PHRF1: variants seen among roughly 807,000 people sequenced by gnomAD.
The protein encoded by PHRF1 is PHD and ring finger domains 1.
In PHRF1, 53 loss-of-function variants were observed where a neutral mutation model predicts 128.9. The ratio of observed to expected loss-of-function variants is 0.41; its 90% CI spans 0.33 to 0.52. The LOEUF (loss-of-function observed/expected upper bound fraction) is 0.52. Ranked by LOEUF, PHRF1 falls within the 20% of genes least tolerant of loss-of-function variation. The pLI is 0.21. For missense variants in PHRF1, 2,503 were observed against 2,284.5 expected (o/e 1.10, Z -1.95); for synonymous variants, 1,178 against 980.6 (o/e 1.20, Z -3.76).
chr11:605,242 A>G lies in PHRF1; in HGVS notation c.1276A>G (p.Ile426Val). 1.2e-6 allele frequency: 2 copies of G among 1,613,388 alleles called. No individual in the cohort carries two copies. Among genetic ancestry groups the G allele is most frequent in the Non-Finnish European group, 1.7e-6 (2 of 1,179,870 alleles). The stretch of plus-strand genomic sequence containing the variant: ...CTCTTTGGGGCTGCTGAGAGCGGAT[A>G]TTGGAGCTGCCTCTCTGTCTCTGTT... ...EPSLGLLRAD[I>V]GAASLSLFGD... is the part of the protein sequence containing the mutation. Residue 426 changes from isoleucine (I) to valine (V), a missense_variant, in exon 11 of 18, where the codon ATT (isoleucine) becomes GTT (valine). Ile to Val is a conservative substitution (Grantham distance 29). Transcript: ENST00000264555.
rs750838764 is a variant in PHRF1 at position 608,735 on chromosome 11, G to A, written c.3279G>A (p.Ser1093=). 9.9e-6 allele frequency: 16 copies of A among 1,611,154 alleles called. No individual in the cohort carries two copies. The highest frequency in any genetic ancestry group is 4.4e-5 in the South Asian group (4 of 90,946). Residue 1093 remains serine, a synonymous_variant, in exon 14 of 18, where the codon TCG becomes TCA. Coordinates refer to ENST00000264555, the MANE Select transcript of PHRF1 (RefSeq NM_001286581.2). ...GCCGGAGGACGTCCCGGTCGCGGTC[G>A]GGGAGCCCTGGCAGCTCTTCCTATG... ...GHSRRTSRSR[S]GSPGSSSYEH... is the part of the protein sequence containing the mutation.
At chr11:583,076 C>G (rs986067483) in intron 3 of PHRF1, among the ~76,000 whole-genome samples, 1 of 144,418 alleles carries the variant, frequency 6.9e-6, no homozygotes, top group African/African-American at 2.6e-5. Flanking sequence ...CGCGGTGGCT[C>G]ACGCCTGTAA....
chr11:608,971 C>T lies in PHRF1; in HGVS notation c.3515C>T (p.Ala1172Val). The change falls in exon 14 of 18, where the codon GCA becomes GTA. Residue 1172 changes from alanine (A) to valine (V), a missense_variant. By Grantham distance (64) the Ala-to-Val change is moderately conservative (BLOSUM62 0). Coordinates refer to ENST00000264555, the MANE Select transcript of PHRF1 (RefSeq NM_001286581.2). The part of the protein sequence containing the change: ...RSRSPSSEHR[A>V]REHRRPRSRE... ...CGGTCCCCAAGCTCGGAGCACAGGGCACGGGAGCACAGGCGGCCTCGGTCC... is the reference window on the plus strand; with the variant it reads ...CGGTCCCCAAGCTCGGAGCACAGGGTACGGGAGCACAGGCGGCCTCGGTCC... The T allele has an allele frequency of 6.2e-7, 1 of 1,608,880 alleles. No homozygotes were observed. The highest frequency in any genetic ancestry group is 1.1e-5 in the South Asian group (1 of 90,658).
In PHRF1 at chr11:611,923, G is replaced by A. The variant is rs112818794; in HGVS notation, c.*146G>A. The A allele has an allele frequency of 2.4e-4, 315 of 1,331,906 alleles. 5 individuals are homozygous for A. In the African/African-American group the frequency reaches 3.8e-3, roughly 16 times the overall value. The allele number at this position is 1,331,906 out of a possible 1,614,324, so 82.5% of individuals were successfully genotyped here. A position where few individuals can be genotyped will look rare whatever the true frequency, so the allele number is the denominator to read the frequency against. On this transcript the variant is annotated 3_prime_UTR_variant, in exon 18 of 18. Transcript: ENST00000264555. ...GGCGGGAAATGGGGGGCATCACCAT[G>A]CCTGCCGTCGGGTTCCTGCGCTGAC... is the stretch of plus-strand genomic sequence containing the variant.
chr11:597,467 G>A lies in PHRF1; in HGVS notation c.791G>A (p.Arg264Gln), dbSNP rs749964878. ...ADVVPTTSRL[R>Q]PRAGRTRAIA... ...GTGGTGCCCACCACCAGCAGGCTTC[G>A]GCCTCGAGCAGGTAGGACCCGGGCG... Residue 264 changes from arginine to glutamine, a missense_variant, in exon 8 of 18, where the codon CGG (arginine) becomes CAG (glutamine). By Grantham distance (43) the Arg-to-Gln change is conservative (BLOSUM62 1). Coordinates refer to ENST00000264555, the MANE Select transcript of PHRF1 (RefSeq NM_001286581.2). This position sits in a 1 kb window ranked among gnomAD's most constrained non-coding sequence, Gnocchi z 6.5. 8.7e-6 allele frequency: 14 copies of A among 1,612,542 alleles called. No homozygotes were observed. Among genetic ancestry groups the A allele is most frequent in the African/African-American group, 4.0e-5 (3 of 74,886 alleles).
intron 3 of PHRF1, among the ~76,000 whole-genome samples, chr11:584,382 GCAGGGCCC>G (rs1854399214): frequency 6.6e-6 from 1 of 152,186 alleles, no homozygotes; most frequent in Non-Finnish European, 1.5e-5. Flanking sequence ...GGGAGCCTCA[GCAGGGCCC>G]CCACCGTGTC....
chr11:601,334 C>T (rs1302199913), intron 9 of PHRF1, among the ~76,000 whole-genome samples: 1 of 151,172 alleles, frequency 6.6e-6, no homozygotes, highest in African/African-American at 2.4e-5. Flanking sequence ...GAGGCTGAGG[C>T]AGGAGAATCA....
chr11:608,329 G>C lies in PHRF1; in HGVS notation c.2873G>C (p.Arg958Pro). 6.2e-7 allele frequency: 1 copy of C among 1,609,578 alleles called. No homozygotes were observed. The highest frequency in any genetic ancestry group is 2.2e-5 in the East Asian group (1 of 44,790). ...AGCACCTTCTTTGGCTCTGAGGAGC[G>C]GACGGTGACCTGTGTGACTGTCGTG... is the stretch of plus-strand genomic sequence containing the variant. ...SCSTFFGSEE[R>P]TVTCVTVVEP... The change falls in exon 14 of 18, where the codon CGG (arginine) becomes CCG (proline). Residue 958 changes from arginine to proline, a missense_variant. Arg to Pro is a moderately radical substitution (Grantham distance 103, BLOSUM62 -2). Transcript: ENST00000264555.
chr11:581,395 C>A (rs758117325), intron 1 of PHRF1, 97 bp from the exon 2 acceptor site: 59 of 970,276 alleles, frequency 6.1e-5, no homozygotes, highest in Non-Finnish European at 8.5e-5. Flanking sequence ...GTGGATGTGA[C>A]ACGGGGATGT....
At position 607,137 on chromosome 11, in the gene PHRF1, C is replaced by T. The variant is rs1272312300; in HGVS notation, c.1681C>T (p.Pro561Ser). The T allele has an allele frequency of 4.3e-6, 7 of 1,612,918 alleles. No homozygotes were observed. In the Admixed American group the frequency reaches 1.0e-4, roughly 23 times the overall value. Reference sequence around the variant, plus strand: ...AGAAGGATTCAAGGGCTGCCTGCAGCCCCGAGCACTGCCCTCCGGGAGCCC... The same window carrying T: ...AGAAGGATTCAAGGGCTGCCTGCAGTCCCGAGCACTGCCCTCCGGGAGCCC... ...GEEGFKGCLQ[P>S]RALPSGSPAQ... Residue 561 changes from proline to serine, a missense_variant, in exon 14 of 18, where the codon CCC (proline) becomes TCC (serine). Pro to Ser is a moderately conservative substitution (Grantham distance 74, BLOSUM62 -1). Transcript: ENST00000264555.
In PHRF1 at chr11:582,066, C is replaced by G. The variant is rs1399493246; in HGVS notation, c.199C>G (p.Leu67Val). 1 of 1,598,142 alleles carries G rather than the reference C, an allele frequency of 6.3e-7. No individual in the cohort carries two copies. Among genetic ancestry groups the G allele is most frequent in the South Asian group, 1.1e-5 (1 of 88,030 alleles). ...EDEGASEEEDLEDRSGSEDSE... is the reference protein window; with the variant it reads ...EDEGASEEEDVEDRSGSEDSE... ...CGAGGGGGCGTCTGAGGAGGAAGACCTGGAAGACAGATCTGGTGAGACAGC... is the reference window on the plus strand; with the variant it reads ...CGAGGGGGCGTCTGAGGAGGAAGACGTGGAAGACAGATCTGGTGAGACAGC... Residue 67 changes from leucine to valine, a missense_variant, in exon 3 of 18, where the codon CTG (leucine) becomes GTG (valine). Physicochemically the swap from Leu to Val is conservative, Grantham distance 32. Transcript: ENST00000264555.
At chr11:598,727 C>T (rs778423763) in intron 9 of PHRF1, among the ~76,000 whole-genome samples, 4 of 152,240 alleles carry the variant, frequency 2.6e-5, no homozygotes, top group Non-Finnish European at 4.4e-5. Context: ...AGGGTGATGC[C>T]GGCCTTCCCG....
chr11:581,861 G>C (rs780387214), intron 2 of PHRF1, 101 bp from the exon 3 acceptor site: 7 of 1,443,072 alleles, frequency 4.9e-6, no homozygotes, highest in Admixed American at 2.9e-5. Flanking sequence ...TTAGCCGTTT[G>C]GCAGGTGCTC....
chr11:590,139 G>A (rs940915193), intron 4 of PHRF1, among the ~76,000 whole-genome samples: 1 of 152,246 alleles, frequency 6.6e-6, no homozygotes, highest in African/African-American at 2.4e-5. Flanking sequence ...TTCAGCAGCA[G>A]GGCTCCTCTG....
chr11:608,964 C>T lies in PHRF1; in HGVS notation c.3508C>T (p.His1170Tyr), dbSNP rs1004974170. ...GAGGTCCCGGTCCCCAAGCTCGGAGCACAGGGCACGGGAGCACAGGCGGCC... is the reference window on the plus strand; with the variant it reads ...GAGGTCCCGGTCCCCAAGCTCGGAGTACAGGGCACGGGAGCACAGGCGGCC... Reference protein sequence around the residue: ...KRRSRSPSSEHRAREHRRPRS... With the variant: ...KRRSRSPSSEYRAREHRRPRS... Residue 1170 changes from histidine to tyrosine, a missense_variant, in exon 14 of 18, where the codon CAC (histidine) becomes TAC (tyrosine). Transcript: ENST00000264555. The T allele has an allele frequency of 5.6e-6, 9 of 1,609,522 alleles. No individual in the cohort carries two copies. Among genetic ancestry groups the T allele is most frequent in the African/African-American group, 1.3e-5 (1 of 74,424 alleles).
At position 605,136 on chromosome 11, in the gene PHRF1, C is replaced by T; in HGVS notation, c.1170C>T (p.Arg390=). The T allele has an allele frequency of 6.2e-7, 1 of 1,610,866 alleles. No individual in the cohort carries two copies. The highest frequency in any genetic ancestry group is 8.5e-7 in the Non-Finnish European group (1 of 1,177,588). The change falls in exon 11 of 18, where the codon CGC becomes CGT. Residue 390 remains arginine, a synonymous_variant. Transcript: ENST00000264555. The stretch of plus-strand genomic sequence containing the variant: ...GGATTCAGAGTGAAGCCACCACTCG[C>T]TCTCGAATCGCGCGGACGCTGGGCC... ...GKKVKSEATT[R]SRIARTLGLR...
chr11:590,621 T>TA (rs1198004222), intron 4 of PHRF1, among the ~76,000 whole-genome samples: 2 of 152,158 alleles, frequency 1.3e-5, no homozygotes, highest in Non-Finnish European at 2.9e-5. Flanking sequence ...AAAGCCAACA[T>TA]AAAGATCTTA....
At position 606,089 on chromosome 11, in the gene PHRF1, G is replaced by A. The variant is rs187884370; in HGVS notation, c.1455-353G>A. Among the ~76,000 whole-genome samples the A allele has an allele frequency of 3.5e-3, 538 of 152,316 alleles. 3 individuals carry two copies. Among genetic ancestry groups the A allele is most frequent in the African/African-American group, 0.011 (465 of 41,560 alleles). Reference sequence around the variant, plus strand: ...ACCTTTTGGCCAGTTCTTTTGTTTCGCCACAAGAACAAAAAATTAACCAAA... The same window carrying A: ...ACCTTTTGGCCAGTTCTTTTGTTTCACCACAAGAACAAAAAATTAACCAAA... On this transcript the variant is annotated intron_variant, in intron 12 of 17. Transcript: ENST00000264555.
At chr11:595,026 A>G (rs1855200808) in intron 6 of PHRF1, among the ~76,000 whole-genome samples, 1 of 152,244 alleles carries the variant, frequency 6.6e-6, no homozygotes, top group South Asian at 2.1e-4. Context: ...GTTAAGTCTG[A>G]CTTAAAAATC....
Sources: gnomAD v4.1 joint callset for allele counts (sites outside exome capture counted in the v4.1 genomes callset) on GRCh38, gnomAD v4.1.1 for gene constraint, Gnocchi (gnomAD v3.1) non-coding constraint, MANE v1.5 for transcripts, NCBI Gene and HGNC (gene_info 2026-07-23, HGNC 2026-07-21) for gene names.